The following POT1 variants were observed in gnomAD, a reference collection of about 807,000 sequenced individuals.
POT1 encodes protection of telomeres protein 1.
In POT1, 47 loss-of-function variants were observed where a neutral mutation model predicts 78.5. The observed-to-expected ratio is 0.60, with a 90% confidence interval of 0.47 to 0.76. POT1 has a LOEUF of 0.76. POT1 is among the 30% of genes least tolerant of loss of function. POT1 has a pLI of 0.00. For missense variants in POT1, 646 were observed against 749.9 expected, an observed-to-expected ratio of 0.86 and a Z score of 1.62; for synonymous variants, 259 against 260.7, an observed-to-expected ratio of 0.99 and a Z score of 0.06.
intron 3 of POT1, among the ~76,000 whole-genome samples, chr7:124,906,251 A>G (rs1156890865): frequency 2.0e-5 from 3 of 152,142 alleles, no homozygotes; most frequent in African/African-American, 7.2e-5. Context: ...AATGTCCAAC[A>G]ATGATAGACT....
At chr7:124,827,088 A>C in intron 17 of POT1, 126 bp downstream of exon 17, 1 of 420,466 alleles carries the variant, frequency 2.4e-6, no homozygotes, top group Non-Finnish European at 4.2e-6. Flanking sequence ...TTATGTGCTC[A>C]TATTTTACTT....
chr7:124,926,901 G>A (rs1797288595), intron 2 of POT1, among the ~76,000 whole-genome samples: 1 of 152,120 alleles, frequency 6.6e-6, no homozygotes. Flanking sequence ...AGAGTGTACA[G>A]AGATGGACAA....
intron 7 of POT1, among the ~76,000 whole-genome samples, chr7:124,868,789 CAAT>C (rs1795794191): frequency 1.3e-5 from 2 of 149,644 alleles, no homozygotes; most frequent in South Asian, 2.1e-4. Context: ...ATATTATATT[CAAT>C]AATAATTCAA....
chr7:124,850,339 T>C (rs906966712), intron 11 of POT1, among the ~76,000 whole-genome samples: 1 of 152,250 alleles, frequency 6.6e-6, no homozygotes, highest in Admixed American at 6.5e-5. Flanking sequence ...TAAGTAACTA[T>C]GGACAAATTA....
intron 2 of POT1, among the ~76,000 whole-genome samples, chr7:124,925,656 C>T (rs1218453774): frequency 1.3e-5 from 2 of 152,086 alleles, no homozygotes; most frequent in Admixed American, 6.6e-5. Context: ...CCAAAGCAAT[C>T]CTAATCAAAA....
chr7:124,843,957 A>G (rs1366371744), intron 12 of POT1, among the ~76,000 whole-genome samples: 1 of 152,170 alleles, frequency 6.6e-6, no homozygotes, highest in Non-Finnish European at 1.5e-5. Context: ...CTCTTTTCAA[A>G]TATTTCAGTT....
chr7:124,889,683 T>C (rs995467502), intron 6 of POT1, among the ~76,000 whole-genome samples: 10 of 107,126 alleles, frequency 9.3e-5, no homozygotes, highest in African/African-American at 4.0e-4. Flanking sequence ...CTCAAAATCC[T>C]AGGGCCTTTC....
chr7:124,858,387 T>C (rs1466093377), intron 9 of POT1, among the ~76,000 whole-genome samples: 2 of 152,162 alleles, frequency 1.3e-5, no homozygotes, highest in Non-Finnish European at 2.9e-5. Context: ...CCTACAATTT[T>C]TGTTAATAGT....
intron 14 of POT1, among the ~76,000 whole-genome samples, chr7:124,836,654 T>G (rs1794906910): frequency 6.6e-6 from 1 of 152,158 alleles, no homozygotes; most frequent in Non-Finnish European, 1.5e-5. Flanking sequence ...TCACACGAGT[T>G]TGGCTCTGGC....
chr7:124,915,973 A>G (rs1797005478), intron 2 of POT1, among the ~76,000 whole-genome samples: 1 of 152,186 alleles, frequency 6.6e-6, no homozygotes, highest in Non-Finnish European at 1.5e-5. Flanking sequence ...ACAAAACAAT[A>G]AAATGATGTT....
At chr7:124,842,270 T>C (rs17147631) in intron 13 of POT1, among the ~76,000 whole-genome samples, 2,595 of 152,080 alleles carry the variant, frequency 0.017, 72 homozygotes, top group African/African-American at 0.059. Flanking sequence ...GATTATGTAG[T>C]AAAAGGATTA....
At chr7:124,857,981 G>A (rs12111865) in intron 9 of POT1, among the ~76,000 whole-genome samples, 41,897 of 151,928 alleles carry the variant, frequency 0.28, 5,893 homozygotes, top group East Asian at 0.3. Flanking sequence ...GCTTCTGCCC[G>A]TGCCCAAAAG....
Position 124,863,368 on chromosome 7 carries a change from T to C in POT1, c.528A>G (p.Gly176=). The C allele has an allele frequency of 6.2e-7, 1 of 1,612,724 alleles. No individual in the cohort carries two copies. The highest frequency in any genetic ancestry group is 8.5e-7 in the Non-Finnish European group (1 of 1,179,510). ...CQLLGKAEVD[G]ASFLLKVWDG... is the part of the protein sequence containing the mutation. ...TATGTACCTTTAGAAGAAATGATGC[T>C]CCGTCCACTTCTGCTTTGCCCAAGA... Residue 176 remains glycine, a synonymous_variant, in exon 8 of 19, where the codon GGA becomes GGG. Transcript: ENST00000357628.
chr7:124,884,273 C>T (rs1248313550), intron 6 of POT1, among the ~76,000 whole-genome samples: 1 of 152,014 alleles, frequency 6.6e-6, no homozygotes, highest in Non-Finnish European at 1.5e-5. Flanking sequence ...TCCTAGCATC[C>T]TATCCCAAAA....
chr7:124,907,011 C>T (rs1015802248), intron 3 of POT1, among the ~76,000 whole-genome samples: 1 of 151,998 alleles, frequency 6.6e-6, no homozygotes, highest in Admixed American at 6.6e-5. Context: ...TTGGAATTAC[C>T]TAGATCTGTG....
intron 2 of POT1, among the ~76,000 whole-genome samples, chr7:124,920,167 C>G (rs1797114619): frequency 6.6e-6 from 1 of 152,006 alleles, no homozygotes; most frequent in Non-Finnish European, 1.5e-5. Flanking sequence ...GCATTATTCA[C>G]CATCACAAAA....
At chr7:124,883,348 A>T (rs1796167008) in intron 6 of POT1, among the ~76,000 whole-genome samples, 1 of 152,128 alleles carries the variant, frequency 6.6e-6, no homozygotes, top group African/African-American at 2.4e-5. Flanking sequence ...AGTTTATGTA[A>T]CTAATAGTTA....
intron 12 of POT1, among the ~76,000 whole-genome samples, chr7:124,844,927 A>G (rs2116475648): frequency 6.6e-6 from 1 of 152,226 alleles, no homozygotes; most frequent in East Asian, 1.9e-4. Flanking sequence ...ATTCACCAAG[A>G]TTCACCAATT....
chr7:124,895,582 T>C (rs1256838455), intron 5 of POT1, among the ~76,000 whole-genome samples: 2 of 151,654 alleles, frequency 1.3e-5, no homozygotes, highest in African/African-American at 2.4e-5. Context: ...TGATGGGCTA[T>C]GTACTATACG....
Sources: allele counts gnomAD v4.1 joint callset (sites outside exome capture counted in the v4.1 genomes callset), GRCh38; gene constraint gnomAD v4.1.1; transcripts MANE v1.5; gene names NCBI Gene and HGNC (gene_info 2026-07-23, HGNC 2026-07-21).